Variants in CRTC1 observed in about 807,000 individuals in gnomAD.
CRTC1 encodes CREB regulated transcription coactivator 1.
A neutral mutation model predicts 66.1 loss-of-function variants in CRTC1; 18 were observed. The ratio of observed to expected loss-of-function variants is 0.27; its 90% confidence interval spans 0.19 to 0.40. CRTC1 has a LOEUF of 0.40. CRTC1 is among the 10% of genes least tolerant of loss of function. CRTC1 has a pLI of 1.00. For synonymous variants in CRTC1, 416 were observed against 398.8 expected (o/e 1.04, Z -0.51); for missense variants, 669 against 887.9 (o/e 0.75, Z 3.13).
At chr19:18,721,295 G>T (rs868059918) in intron 1 of CRTC1, among the ~76,000 whole-genome samples, 9 of 150,952 alleles carry the variant, frequency 6.0e-5, no homozygotes, top group Non-Finnish European at 1.2e-4. Context: ...CTGGGTTCAC[G>T]CCATTCTCCT....
intron 1 of CRTC1, among the ~76,000 whole-genome samples, chr19:18,707,363 C>T (rs964749065): frequency 6.6e-6 from 1 of 152,172 alleles, no homozygotes; most frequent in African/African-American, 2.4e-5. Context: ...AAGACTGTCC[C>T]TTCCCCGTTG....
In CRTC1 at chr19:18,780,331, C is replaced by T. The variant is rs918642176; in HGVS notation, c.*2949C>T. 5.6e-5 allele frequency: 13 copies of T among 231,886 alleles called. No individual in the cohort carries two copies. The highest frequency in any genetic ancestry group is 1.0e-4 in the Non-Finnish European group (12 of 117,292). The allele number at this position is 231,886 out of a possible 1,614,324, so 14.4% of individuals were successfully genotyped here. A position where few individuals can be genotyped will look rare whatever the true frequency, so the allele number is the denominator to read the frequency against. ...CTCTCCCTCCTGAGAGCATGGCGTC[C>T]CCACCTTCCTGTTTCGCCGACGTCA... On this transcript the variant is annotated 3_prime_UTR_variant, in exon 14 of 14. Transcript: ENST00000321949.
At chr19:18,701,923 T>G (rs1261691966) in intron 1 of CRTC1, among the ~76,000 whole-genome samples, 3 of 121,750 alleles carry the variant, frequency 2.5e-5, no homozygotes, top group Non-Finnish European at 3.5e-5. Context: ...CACCGTTTTG[T>G]TTTTTTTTTT....
chr19:18,724,083 G>A (rs945293668), intron 1 of CRTC1, among the ~76,000 whole-genome samples: 1 of 152,144 alleles, frequency 6.6e-6, no homozygotes, highest in African/African-American at 2.4e-5. Flanking sequence ...TTGAGAGAGC[G>A]ACACCGTGAG....
intron 1 of CRTC1, among the ~76,000 whole-genome samples, chr19:18,725,931 G>A (rs12460629): frequency 0.24 from 35,802 of 152,146 alleles, 4,689 homozygotes; most frequent in East Asian, 0.51. Flanking sequence ...ACATCCCAGG[G>A]ACGGGGGCCA....
chr19:18,746,004 C>A, intron 3 of CRTC1, 44 bp downstream of exon 3: 1 of 1,568,456 alleles, frequency 6.4e-7, no homozygotes, highest in South Asian at 1.2e-5. Flanking sequence ...CAGGCCCTGT[C>A]GGTGCCGGCA....
In CRTC1 at chr19:18,781,558, TC is replaced by T; in HGVS notation, c.*4181del. The T allele has an allele frequency of 4.4e-6, 1 of 228,754 alleles. No individual in the cohort carries two copies. The highest frequency in any genetic ancestry group is 6.2e-5 in the East Asian group (1 of 16,094). The allele number at this position is 228,754 out of a possible 1,614,324, so 14.2% of individuals were successfully genotyped here. On this transcript the variant is annotated 3_prime_UTR_variant, in exon 14 of 14. Transcript: ENST00000321949. ...CCCCCACTGGCCACAGACACCATTC[TC>T]CCCCTGGGAGCAGGAGGTGGAGTAA...
chr19:18,706,182 CTT>C (rs58104974), intron 1 of CRTC1, among the ~76,000 whole-genome samples: 1 of 18,720 alleles, frequency 5.3e-5, no homozygotes, highest in African/African-American at 1.9e-4. Context: ...TTCCATTGGT[CTT>C]TTTTTTTTTT....
intron 5 of CRTC1, among the ~76,000 whole-genome samples, chr19:18,751,149 G>T (rs946233429): frequency 6.6e-6 from 1 of 152,160 alleles, no homozygotes; most frequent in Admixed American, 6.5e-5. Context: ...AACAAGGAAG[G>T]GGTTGGCCTA....
intron 6 of CRTC1, among the ~76,000 whole-genome samples, chr19:18,757,060 GGT>G (rs1491385530): frequency 2.0e-5 from 3 of 152,182 alleles, no homozygotes; most frequent in Admixed American, 6.5e-5. Flanking sequence ...GCCCCCTCAC[GGT>G]GTGTGCATTT....
At chr19:18,745,082 C>T (rs1375977418) in intron 2 of CRTC1, among the ~76,000 whole-genome samples, 1 of 152,184 alleles carries the variant, frequency 6.6e-6, no homozygotes, top group Non-Finnish European at 1.5e-5. Flanking sequence ...TCAGGGCGGG[C>T]TCCTGGCAGC....
intron 1 of CRTC1, among the ~76,000 whole-genome samples, chr19:18,734,854 G>T (rs2053964043): frequency 6.6e-6 from 1 of 152,164 alleles, no homozygotes; most frequent in Non-Finnish European, 1.5e-5. Flanking sequence ...TCAGTCACTA[G>T]CCTCTCCTGT....
intron 6 of CRTC1, among the ~76,000 whole-genome samples, chr19:18,754,941 C>A (rs530117348): frequency 1.2e-4 from 18 of 151,370 alleles, no homozygotes; most frequent in East Asian, 7.7e-4. Flanking sequence ...TTTTTCTTTT[C>A]TTTTATTTTT....
In CRTC1 at chr19:18,707,414, T is replaced by C. The variant is rs563352782; in HGVS notation, c.126+23586T>C. On this transcript the variant is annotated intron_variant, in intron 1 of 13. Transcript: ENST00000321949. Reference sequence around the variant, plus strand: ...TTGTTGAAAATCACTTGACCATATATGTGAGGGTTTATTTCTGGGCTTTTA... The same window carrying C: ...TTGTTGAAAATCACTTGACCATATACGTGAGGGTTTATTTCTGGGCTTTTA... Among the ~76,000 whole-genome samples the C allele has an allele frequency of 5.6e-4, 85 of 152,306 alleles. 1 individual carries two copies. Among genetic ancestry groups the C allele is most frequent in the African/African-American group, 2.0e-3 (84 of 41,580 alleles).
At position 18,776,639 on chromosome 19, in the gene CRTC1, C is replaced by T. The variant is rs540694293; in HGVS notation, c.1694-532C>T. 3.3e-5 allele frequency among the ~76,000 whole-genome samples: 5 copies of T among 152,346 alleles called. No homozygotes were observed. The South Asian group carries it at 8.3e-4, about 25-fold the overall frequency. On this transcript the variant is annotated intron_variant, in intron 13 of 13. Coordinates refer to ENST00000321949, the MANE Select transcript of CRTC1 (RefSeq NM_015321.3). ...AGGAGAAGAATCAGAATCTGACCCC[C>T]GCAATGGCCTCAAGAGCCCAGAAAG... is the stretch of plus-strand genomic sequence containing the variant.
intron 1 of CRTC1, among the ~76,000 whole-genome samples, chr19:18,687,108 C>A (rs1004384312): frequency 2.0e-5 from 3 of 151,218 alleles, no homozygotes; most frequent in African/African-American, 7.3e-5. Flanking sequence ...CTCTGCCTCC[C>A]GAGTTCAAGT....
chr19:18,695,906 G>A (rs2052975734), intron 1 of CRTC1, among the ~76,000 whole-genome samples: 1 of 152,152 alleles, frequency 6.6e-6, no homozygotes, highest in South Asian at 2.1e-4. Context: ...ACAGTACACA[G>A]GATGGCCCCC....
rs550086164 is a variant in CRTC1, at chr19:18,761,154, C to T, written c.886+926C>T. On this transcript the variant is annotated intron_variant, in intron 8 of 13. Coordinates refer to ENST00000321949, the MANE Select transcript of CRTC1 (RefSeq NM_015321.3). ...TCCCTCCCTCCCCTGCCCTGCCCTG[C>T]CCTGGTCAGAGCTAGTCCCCTTGGC... Among the ~76,000 whole-genome samples the T allele has an allele frequency of 2.6e-5, 4 of 152,348 alleles. No individual in the cohort carries two copies. The East Asian group carries it at 7.7e-4, about 29-fold the overall frequency.
chr19:18,733,917 TG>T (rs1410089693), intron 1 of CRTC1, among the ~76,000 whole-genome samples: 5 of 152,250 alleles, frequency 3.3e-5, no homozygotes, highest in African/African-American at 1.2e-4. Context: ...AAGACCAGCC[TG>T]GCCAACATGG....
Sources: gnomAD v4.1 joint callset for allele counts (sites outside exome capture counted in the v4.1 genomes callset) on GRCh38, gnomAD v4.1.1 for gene constraint, MANE v1.5 for transcripts, NCBI Gene and HGNC (gene_info 2026-07-23, HGNC 2026-07-21) for gene names.